Variants in PALM2AKAP2 observed in about 807,000 individuals in gnomAD.
The protein encoded by PALM2AKAP2 is PALM2 and AKAP2 fusion.
A neutral mutation model predicts 71.5 loss-of-function variants in PALM2AKAP2; 37 were observed. The ratio of observed to expected loss-of-function variants is 0.52; its 90% CI spans 0.40 to 0.68. PALM2AKAP2 has a LOEUF of 0.68. Among genes scored for constraint, PALM2AKAP2 ranks in the 30% least tolerant of loss-of-function variants. The pLI is 0.00. For missense variants in PALM2AKAP2, 1,224 were observed against 1,191.8 expected, an observed-to-expected ratio of 1.03 and a Z score of -0.40; for synonymous variants, 468 against 478.8, an observed-to-expected ratio of 0.98 and a Z score of 0.29.
rs115949067 is a variant in PALM2AKAP2, at chr9:109,766,613, C to T, written c.6-13875C>T. Among the ~76,000 whole-genome samples the T allele has an allele frequency of 1.7e-3, 255 of 152,316 alleles. 1 individual carries two copies. Among genetic ancestry groups the T allele is most frequent in the African/African-American group, 5.7e-3 (235 of 41,556 alleles). Reference sequence around the variant, plus strand: ...TGGATTTCATGTTAACCTCATCATCCTTTTGCTGCATGTTGATAAGGCAGA... The same window carrying T: ...TGGATTTCATGTTAACCTCATCATCTTTTTGCTGCATGTTGATAAGGCAGA... On this transcript the variant is annotated intron_variant, in intron 1 of 6. Coordinates refer to the PALM2AKAP2 transcript ENST00000374531.
chr9:110,067,099 G>A (rs747047308), intron 1 of PALM2AKAP2, among the ~76,000 whole-genome samples: 6 of 152,106 alleles, frequency 3.9e-5, no homozygotes, highest in Non-Finnish European at 5.9e-5. Flanking sequence ...TCATTCTAAC[G>A]TTAGTCTGTT....
At chr9:109,708,347 T>C (rs1034602394) in intron 1 of PALM2AKAP2, among the ~76,000 whole-genome samples, 104 of 152,202 alleles carry the variant, frequency 6.8e-4, no homozygotes, top group Admixed American at 6.8e-3. Flanking sequence ...TCAATACCCT[T>C]AATCTGGAGG....
At chr9:109,858,330 A>G (rs1829224153) in intron 1 of PALM2AKAP2, among the ~76,000 whole-genome samples, 1 of 148,598 alleles carries the variant, frequency 6.7e-6, no homozygotes, top group Non-Finnish European at 1.5e-5. Flanking sequence ...ACCACTATGT[A>G]AATGTTTGCT....
At chr9:109,999,668 C>T (rs1486950574) in intron 6 of PALM2AKAP2, among the ~76,000 whole-genome samples, 2 of 152,248 alleles carry the variant, frequency 1.3e-5, no homozygotes, top group African/African-American at 2.4e-5. Context: ...CCCACAGGTG[C>T]TTTGCGTGGA....
chr9:110,026,357 G>A (rs1307062994), intron 7 of PALM2AKAP2, among the ~76,000 whole-genome samples: 1 of 152,130 alleles, frequency 6.6e-6, no homozygotes, highest in Non-Finnish European at 1.5e-5. Context: ...GAGATTACAG[G>A]TGTAAGCCAT....
intron 3 of PALM2AKAP2, among the ~76,000 whole-genome samples, chr9:109,882,537 A>G (rs1829875827): frequency 6.6e-6 from 1 of 152,244 alleles, no homozygotes; most frequent in African/African-American, 2.4e-5. Context: ...TTTATATCAT[A>G]TACATATATA....
intron 1 of PALM2AKAP2, among the ~76,000 whole-genome samples, chr9:109,863,162 A>G (rs574419662): frequency 8.5e-5 from 13 of 152,232 alleles, no homozygotes; most frequent in Non-Finnish European, 1.9e-4. Flanking sequence ...GGAAACCACT[A>G]CAGTAATCCA....
intron 5 of PALM2AKAP2, 135 bp downstream of exon 5, chr9:109,925,217 C>T: frequency 2.2e-6 from 3 of 1,374,104 alleles, no homozygotes; most frequent in Non-Finnish European, 3.0e-6. Context: ...GCGCTGGTTG[C>T]AGGCCACTGA....
chr9:109,901,984 T>C (rs1174817758), intron 3 of PALM2AKAP2, among the ~76,000 whole-genome samples: 1 of 152,196 alleles, frequency 6.6e-6, no homozygotes, highest in African/African-American at 2.4e-5. Flanking sequence ...TTTTCTTTTT[T>C]TAAATATCAG....
At chr9:110,025,967 GC>G (rs1833175077) in intron 7 of PALM2AKAP2, among the ~76,000 whole-genome samples, 1 of 152,170 alleles carries the variant, frequency 6.6e-6, no homozygotes, top group Non-Finnish European at 1.5e-5. Flanking sequence ...GCAGGAGGGT[GC>G]ACTCAACTCA....
At chr9:109,997,956 T>G (rs1483677996) in intron 6 of PALM2AKAP2, among the ~76,000 whole-genome samples, 4 of 152,238 alleles carry the variant, frequency 2.6e-5, no homozygotes, top group Non-Finnish European at 5.9e-5. Flanking sequence ...TAAGTTCTAA[T>G]GCCCACCCTG....
At chr9:109,932,280 T>C (rs973646517) in intron 6 of PALM2AKAP2, among the ~76,000 whole-genome samples, 3 of 152,222 alleles carry the variant, frequency 2.0e-5, no homozygotes, top group African/African-American at 7.2e-5. Context: ...AGTCTTTCTT[T>C]GGTGTTTGTG....
chr9:109,824,197 C>A (rs1828083595), intron 1 of PALM2AKAP2, among the ~76,000 whole-genome samples: 1 of 152,166 alleles, frequency 6.6e-6, no homozygotes, highest in South Asian at 2.1e-4. Flanking sequence ...CTGAAGCACA[C>A]TTTTTAGTGT....
At chr9:110,096,057 A>T (rs34821577) in intron 1 of PALM2AKAP2, among the ~76,000 whole-genome samples, 1 of 152,158 alleles carries the variant, frequency 6.6e-6, no homozygotes, top group Non-Finnish European at 1.5e-5. Flanking sequence ...ACCCTTTTCT[A>T]TGTATGGAGG....
chr9:109,878,670 AC>A (rs74315916), intron 2 of PALM2AKAP2, among the ~76,000 whole-genome samples: 31,472 of 152,064 alleles, frequency 0.21, 4,080 homozygotes, highest in Admixed American at 0.29. Flanking sequence ...GCACCAGATG[AC>A]CCCTGGACTT....
At chr9:109,754,758 T>C (rs1304526853) in intron 1 of PALM2AKAP2, among the ~76,000 whole-genome samples, 1 of 152,106 alleles carries the variant, frequency 6.6e-6, no homozygotes, top group African/African-American at 2.4e-5. Flanking sequence ...TCTCTTCTTA[T>C]ATGGGCACTA....
intron 1 of PALM2AKAP2, among the ~76,000 whole-genome samples, chr9:109,746,704 A>T (rs557904575): frequency 6.6e-6 from 1 of 152,252 alleles, no homozygotes; most frequent in South Asian, 2.1e-4. Flanking sequence ...AATGCTTTAG[A>T]TCTACTGTCT....
At chr9:109,725,237 A>G (rs1298929220) in intron 1 of PALM2AKAP2, among the ~76,000 whole-genome samples, 1 of 152,222 alleles carries the variant, frequency 6.6e-6, no homozygotes, top group Non-Finnish European at 1.5e-5. Context: ...GGAAAAATCA[A>G]TAATATTGAT....
Position 110,068,453 on chromosome 9 carries a change from G to A in PALM2AKAP2, c.156+19598G>A, listed in dbSNP as rs138981733. ...ATAGGAATCTCTGCTCTAGTGGTGG[G>A]TCTGAGGTTTGCTCTAGTGGTGGGT... On this transcript the variant is annotated intron_variant, in intron 1 of 3. Coordinates refer to ENST00000374525, the Ensembl canonical transcript of PALM2AKAP2. Among the ~76,000 whole-genome samples, 10 of 149,198 alleles carry A rather than the reference G, an allele frequency of 6.7e-5. 2 individuals carry two copies. Among genetic ancestry groups the A allele is most frequent in the African/African-American group, 2.6e-4 (10 of 39,114 alleles).
Sources: gnomAD v4.1 joint callset for allele counts (sites outside exome capture counted in the v4.1 genomes callset) on GRCh38, gnomAD v4.1.1 for gene constraint, MANE v1.5 for transcripts, NCBI Gene and HGNC (gene_info 2026-07-23, HGNC 2026-07-21) for gene names.